Variants in ELOVL7 observed in about 807,000 individuals in gnomAD.
The protein encoded by ELOVL7 is ELOVL fatty acid elongase 7.
ELOVL7 carries 27 observed loss-of-function variants against 35.7 expected under a neutral mutation model. The observed-to-expected ratio is 0.76, with a 90% CI of 0.56 to 1.04. The LOEUF is 1.04. ELOVL7 is among the 50% of genes least tolerant of loss of function. The pLI is 0.00. For synonymous variants in ELOVL7, 113 were observed against 114.6 expected, an observed-to-expected ratio of 0.99 and a Z score of 0.09; for missense variants, 327 against 340.8, an observed-to-expected ratio of 0.96 and a Z score of 0.32.
intron 1 of ELOVL7, among the ~76,000 whole-genome samples, chr5:60,842,883 A>C (rs1357037376): frequency 6.8e-6 from 1 of 147,218 alleles, no homozygotes; most frequent in African/African-American, 2.5e-5. Flanking sequence ...CTGGCACCTA[A>C]GCACTGATAA....
chr5:60,823,963 A>G (rs1180788711), intron 1 of ELOVL7, among the ~76,000 whole-genome samples: 1 of 152,212 alleles, frequency 6.6e-6, no homozygotes, highest in East Asian at 1.9e-4. Context: ...TCCATTTACC[A>G]TTTTACCCAG....
At chr5:60,807,843 C>G (rs1369269510) in intron 1 of ELOVL7, among the ~76,000 whole-genome samples, 2 of 151,164 alleles carry the variant, frequency 1.3e-5, no homozygotes, top group African/African-American at 2.4e-5. Flanking sequence ...ACTAAAAATA[C>G]AAAAAGTTAG....
At chr5:60,781,739 T>C (rs566113387) in intron 3 of ELOVL7, among the ~76,000 whole-genome samples, 1 of 152,218 alleles carries the variant, frequency 6.6e-6, no homozygotes, top group Non-Finnish European at 1.5e-5. Flanking sequence ...TTAGAAATTC[T>C]ATTTCAGCAA....
intron 8 of ELOVL7, among the ~76,000 whole-genome samples, chr5:60,755,250 G>C (rs1171515023): frequency 2.0e-5 from 3 of 152,120 alleles, no homozygotes; most frequent in African/African-American, 7.2e-5. Flanking sequence ...TATTGGACCA[G>C]ATATTTTAAT....
intron 3 of ELOVL7, among the ~76,000 whole-genome samples, chr5:60,776,719 T>C (rs1239016363): frequency 6.6e-6 from 1 of 152,018 alleles, no homozygotes; most frequent in Non-Finnish European, 1.5e-5. Flanking sequence ...ATCCAAAATG[T>C]GGGAGGGAAG....
chr5:60,841,385 G>A (rs1461519599), intron 1 of ELOVL7, among the ~76,000 whole-genome samples: 1 of 152,186 alleles, frequency 6.6e-6, no homozygotes, highest in Admixed American at 6.5e-5. Flanking sequence ...GAAAAAAAGA[G>A]AGAGACAAAG....
intron 1 of ELOVL7, among the ~76,000 whole-genome samples, chr5:60,826,485 G>A (rs780198545): frequency 6.6e-6 from 1 of 152,060 alleles, no homozygotes; most frequent in Admixed American, 6.5e-5. Context: ...AGTGTCCTCT[G>A]GGACTACCCC....
At chr5:60,821,427 C>T (rs1745880546) in intron 1 of ELOVL7, among the ~76,000 whole-genome samples, 1 of 152,222 alleles carries the variant, frequency 6.6e-6, no homozygotes, top group Non-Finnish European at 1.5e-5. Flanking sequence ...TATGTCCCCT[C>T]TATCCTCCAA....
At chr5:60,757,161 C>G (rs1741586925) in intron 8 of ELOVL7, among the ~76,000 whole-genome samples, 1 of 152,064 alleles carries the variant, frequency 6.6e-6, no homozygotes, top group South Asian at 2.1e-4. Flanking sequence ...GTTGCATTCC[C>G]TCAAGGTCAT....
rs75621404 is a variant in ELOVL7 at position 60,758,707 on chromosome 5, G to A, written c.500-1062C>T. Among the ~76,000 whole-genome samples the A allele has an allele frequency of 2.5e-3, 376 of 152,314 alleles. 5 individuals carry two copies. The highest frequency in any genetic ancestry group is 0.024 in the East Asian group (125 of 5,184). On this transcript the variant is annotated intron_variant, in intron 7 of 8. Transcript: ENST00000508821. ...CTGGACCAGTAATACAGCAGAAGGG[G>A]AAACGGTGTTTAGCTGATAGTGTGG...
intron 1 of ELOVL7, among the ~76,000 whole-genome samples, chr5:60,816,509 T>G (rs1180016542): frequency 6.6e-6 from 1 of 152,168 alleles, no homozygotes; most frequent in Non-Finnish European, 1.5e-5. Flanking sequence ...AGAATAAATG[T>G]TATTTACCTA....
At chr5:60,775,369 T>C (rs1742841657) in intron 3 of ELOVL7, among the ~76,000 whole-genome samples, 1 of 152,210 alleles carries the variant, frequency 6.6e-6, no homozygotes, top group South Asian at 2.1e-4. Context: ...GCTCATGGAT[T>C]AGAAAAATCA....
At chr5:60,799,892 C>T (rs1408672537) in intron 1 of ELOVL7, among the ~76,000 whole-genome samples, 1 of 151,756 alleles carries the variant, frequency 6.6e-6, no homozygotes, top group Non-Finnish European at 1.5e-5. Context: ...ACAAAATTAG[C>T]CGGGCATGGT....
intron 1 of ELOVL7, among the ~76,000 whole-genome samples, chr5:60,828,202 C>T (rs543989725): frequency 2.0e-5 from 3 of 152,250 alleles, no homozygotes; most frequent in Non-Finnish European, 2.9e-5. Flanking sequence ...ACCCTCACCT[C>T]GCACTCTGAT....
chr5:60,766,592 A>G lies in ELOVL7; in HGVS notation c.375T>C (p.Phe125=). 1 of 1,612,838 alleles carries G rather than the reference A, an allele frequency of 6.2e-7. No homozygotes were observed. The highest frequency in any genetic ancestry group is 8.5e-7 in the Non-Finnish European group (1 of 1,179,420). Residue 125 remains phenylalanine (F), a synonymous_variant, in exon 6 of 9, where the codon TTT becomes TTC. Transcript: ENST00000508821. ...TACTCACCGTATCTAATAGCTCAAT[A>G]AATTTGGAGAAGTAATAAAGCCAGC... The part of the protein sequence containing the change: ...RTCWLYYFSK[F]IELLDTIFFV...
intron 8 of ELOVL7, 78 bp from the exon 9 acceptor site, chr5:60,754,911 TCCCAAAG>T: frequency 3.2e-6 from 4 of 1,243,222 alleles, no homozygotes; most frequent in Non-Finnish European, 3.4e-6. Flanking sequence ...GTTTATGCAC[TCCCAAAG>T]TGCAGGGAGT....
chr5:60,805,006 A>C (rs1280636340), intron 1 of ELOVL7, among the ~76,000 whole-genome samples: 1 of 152,228 alleles, frequency 6.6e-6, no homozygotes, highest in Non-Finnish European at 1.5e-5. Context: ...GCATGCAAAC[A>C]GTTCACACAG....
chr5:60,765,550 A>G (rs1742184369), intron 6 of ELOVL7, among the ~76,000 whole-genome samples: 2 of 152,136 alleles, frequency 1.3e-5, no homozygotes. Flanking sequence ...GGCTCTCAAA[A>G]CATGGTCCCT....
intron 7 of ELOVL7, 143 bp from the exon 8 acceptor site, chr5:60,757,788 A>G (rs1741636444): frequency 1.6e-6 from 1 of 619,262 alleles, no homozygotes; most frequent in Non-Finnish European, 2.6e-6. Flanking sequence ...ACAACTATCA[A>G]ATTAGAGGGG....
Sources: allele counts gnomAD v4.1 joint callset (sites outside exome capture counted in the v4.1 genomes callset), GRCh38; gene constraint gnomAD v4.1.1; transcripts MANE v1.5; gene names NCBI Gene and HGNC (gene_info 2026-07-23, HGNC 2026-07-21).